PPP1R12B: variants seen among roughly 807,000 people sequenced by gnomAD.
PPP1R12B encodes myosin phosphatase target subunit 2.
Under a neutral mutation model 126.1 loss-of-function variants are expected in PPP1R12B, and 76 were observed. The observed-to-expected ratio is 0.60, with a 90% CI of 0.50 to 0.73. PPP1R12B has a LOEUF of 0.73. PPP1R12B is among the 30% of genes least tolerant of loss of function. The probability of loss-of-function intolerance (pLI) is 0.00; values close to 1 mark genes in which losing one functional copy is unlikely to be tolerated. For synonymous variants in PPP1R12B, 356 were observed against 434.7 expected (o/e 0.82, Z 2.25); for missense variants, 1,052 against 1,205.1 (o/e 0.87, Z 1.88).
At chr1:202,380,114 T>TTCA (rs1187288358) in intron 1 of PPP1R12B, among the ~76,000 whole-genome samples, 2 of 151,958 alleles carry the variant, frequency 1.3e-5, no homozygotes, top group Non-Finnish European at 2.9e-5. Flanking sequence ...GAACTTTTTG[T>TTCA]TCATACCGTT....
chr1:202,358,159 A>G (rs929259912), intron 1 of PPP1R12B, among the ~76,000 whole-genome samples: 9 of 152,216 alleles, frequency 5.9e-5, no homozygotes, highest in African/African-American at 1.9e-4. Context: ...AATGTCATAT[A>G]GGACAAGGAA....
intron 1 of PPP1R12B, among the ~76,000 whole-genome samples, chr1:202,360,463 C>G (rs1464293724): frequency 1.3e-5 from 2 of 152,096 alleles, no homozygotes; most frequent in Non-Finnish European, 1.5e-5. Context: ...AATCACAGCA[C>G]TTTGGGAGGC....
chr1:202,567,868 ATCTCTTCTTTCTGAC>A (rs1688208489), intron 22 of PPP1R12B, 37 bp downstream of exon 22: 1 of 1,606,548 alleles, frequency 6.2e-7, no homozygotes, highest in Admixed American at 1.7e-5. Flanking sequence ...ACCCCATTTC[ATCTCTTCTTTCTGAC>A]TCTCTCCCAC....
chr1:202,575,785 T>C (rs1000733928), intron 23 of PPP1R12B: 1 of 152,204 alleles, frequency 6.6e-6, no homozygotes, highest in Non-Finnish European at 1.5e-5. Flanking sequence ...TTCAAACCTC[T>C]CCTATTGATT....
chr1:202,523,192 T>G (rs534413693), intron 18 of PPP1R12B, among the ~76,000 whole-genome samples: 1 of 152,226 alleles, frequency 6.6e-6, no homozygotes, highest in Non-Finnish European at 1.5e-5. Context: ...AATCCTTTAG[T>G]CAACAGTATA....
intron 7 of PPP1R12B, 125 bp downstream of exon 7, chr1:202,430,935 G>C: frequency 7.3e-7 from 1 of 1,363,828 alleles, no homozygotes; most frequent in Non-Finnish European, 9.6e-7. Flanking sequence ...ATAAACTTGT[G>C]GGAAACTTGT....
At chr1:202,454,925 A>G (rs1318338779) in intron 13 of PPP1R12B, among the ~76,000 whole-genome samples, 3 of 152,064 alleles carry the variant, frequency 2.0e-5, no homozygotes, top group Non-Finnish European at 4.4e-5. Context: ...CTGTCTCTAA[A>G]AAAAAAAAAG....
At chr1:202,452,025 A>G (rs976417347) in intron 13 of PPP1R12B, among the ~76,000 whole-genome samples, 1 of 150,166 alleles carries the variant, frequency 6.7e-6, no homozygotes, top group Non-Finnish European at 1.5e-5. Context: ...CACCTACCAG[A>G]TGGGGTCGCG....
chr1:202,494,243 T>G (rs987868774), intron 15 of PPP1R12B, among the ~76,000 whole-genome samples: 2 of 152,196 alleles, frequency 1.3e-5, no homozygotes, highest in African/African-American at 4.8e-5. Flanking sequence ...TTACCAGGTA[T>G]TCTTCTAAGC....
At chr1:202,477,274 A>G (rs2148810248) in intron 13 of PPP1R12B, among the ~76,000 whole-genome samples, 1 of 152,306 alleles carries the variant, frequency 6.6e-6, no homozygotes, top group Non-Finnish European at 1.5e-5. Flanking sequence ...TTTGCATTTA[A>G]TCTTCACAAC....
At chr1:202,563,589 G>A (rs1389282076) in intron 20 of PPP1R12B, among the ~76,000 whole-genome samples, 1 of 147,870 alleles carries the variant, frequency 6.8e-6, no homozygotes, top group African/African-American at 2.5e-5. Context: ...TTCTAATAAG[G>A]TCCTGTGAAT....
At chr1:202,501,547 A>G (rs1680228308) in intron 18 of PPP1R12B, among the ~76,000 whole-genome samples, 1 of 152,200 alleles carries the variant, frequency 6.6e-6, no homozygotes, top group Admixed American at 6.5e-5. Context: ...TGAGCAGAAG[A>G]CAAATTGCCT....
intron 13 of PPP1R12B, among the ~76,000 whole-genome samples, chr1:202,461,739 C>T (rs1674331341): frequency 6.6e-6 from 1 of 152,062 alleles, no homozygotes; most frequent in African/African-American, 2.4e-5. Flanking sequence ...TTCTGCAGCC[C>T]TAAGGGAAAA....
rs144217496 is a variant in PPP1R12B, at chr1:202,419,831, C to T, written c.423-2789C>T. Among the ~76,000 whole-genome samples, 11 of 152,232 alleles carry T rather than the reference C, an allele frequency of 7.2e-5. No homozygotes were observed. On this transcript the variant is annotated intron_variant, in intron 2 of 23. Transcript: ENST00000608999. This position sits in a 1 kb window ranked among gnomAD's most constrained non-coding sequence, Gnocchi z 4.6. ...TCAATCAATTTAAAAGTTTATTTTA[C>T]CAAGGTTAAAGATGCGCACCCAGGA...
chr1:202,373,976 C>A (rs1039995089), intron 1 of PPP1R12B, among the ~76,000 whole-genome samples: 1 of 151,562 alleles, frequency 6.6e-6, no homozygotes, highest in Non-Finnish European at 1.5e-5. Context: ...TTTTTGATAC[C>A]CTTGATTATA....
chr1:202,462,803 G>A, intron 13 of PPP1R12B: 2 of 985,392 alleles, frequency 2.0e-6, no homozygotes, highest in Non-Finnish European at 2.4e-6. Context: ...TCAGAGGAGT[G>A]GCCACCTGTT....
chr1:202,527,621 A>G (rs1299793643), intron 18 of PPP1R12B, among the ~76,000 whole-genome samples: 1 of 152,226 alleles, frequency 6.6e-6, no homozygotes, highest in Non-Finnish European at 1.5e-5. Flanking sequence ...AAAATGACTT[A>G]GGAAGAAATG....
chr1:202,579,462 C>T (rs1202370069), intron 23 of PPP1R12B, among the ~76,000 whole-genome samples: 1 of 152,200 alleles, frequency 6.6e-6, no homozygotes, highest in Non-Finnish European at 1.5e-5. Context: ...ACCTGCTATC[C>T]TAAATCGCTC....
At chr1:202,478,349 A>G (rs1676937809) in intron 13 of PPP1R12B, among the ~76,000 whole-genome samples, 1 of 152,306 alleles carries the variant, frequency 6.6e-6, no homozygotes, top group South Asian at 2.1e-4. Flanking sequence ...TTACAGAAGG[A>G]CTTAGTCTCT....
Sources: gnomAD v4.1 joint callset for allele counts (sites outside exome capture counted in the v4.1 genomes callset) on GRCh38, gnomAD v4.1.1 for gene constraint, Gnocchi (gnomAD v3.1) non-coding constraint, MANE v1.5 for transcripts, NCBI Gene and HGNC (gene_info 2026-07-23, HGNC 2026-07-21) for gene names.